The following ZFAND3 variants were observed in gnomAD, a reference collection of about 807,000 sequenced individuals.
The protein encoded by ZFAND3 is AN1-type zinc finger protein 3.
In ZFAND3, 10 loss-of-function variants were observed where a neutral mutation model predicts 29.6. The ratio of observed to expected loss-of-function variants is 0.34; its 90% CI spans 0.21 to 0.57. The LOEUF (loss-of-function observed/expected upper bound fraction) is 0.57. Among genes scored for constraint, ZFAND3 ranks in the 20% least tolerant of loss-of-function variants. The probability of loss-of-function intolerance (pLI) is 0.86; values close to 1 mark genes in which losing one functional copy is unlikely to be tolerated. For missense variants in ZFAND3, 230 were observed against 304.5 expected (o/e 0.76, Z 1.82); for synonymous variants, 128 against 112.6 (o/e 1.14, Z -0.87).
At chr6:37,959,572 A>T (rs1206066310) in intron 2 of ZFAND3, among the ~76,000 whole-genome samples, 1 of 152,186 alleles carries the variant, frequency 6.6e-6, no homozygotes, top group Non-Finnish European at 1.5e-5. Flanking sequence ...TATGTATAGA[A>T]ATGGTAATGA....
chr6:37,951,138 T>C (rs1178168587), intron 2 of ZFAND3, among the ~76,000 whole-genome samples: 1 of 152,228 alleles, frequency 6.6e-6, no homozygotes, highest in Non-Finnish European at 1.5e-5. Flanking sequence ...GTGACTACTA[T>C]AGAAATGGGA....
chr6:37,875,498 A>G (rs1764775583), intron 1 of ZFAND3, among the ~76,000 whole-genome samples: 1 of 152,160 alleles, frequency 6.6e-6, no homozygotes, highest in African/African-American at 2.4e-5. Flanking sequence ...GCTCTACTTA[A>G]AGAGCATCCC....
chr6:38,066,898 A>G (rs2127465459), intron 3 of ZFAND3, among the ~76,000 whole-genome samples: 1 of 152,336 alleles, frequency 6.6e-6, no homozygotes, highest in East Asian at 1.9e-4. Context: ...ATATTTCTGT[A>G]TCTGAACATA....
intron 1 of ZFAND3, among the ~76,000 whole-genome samples, chr6:37,909,174 T>C (rs1276563584): frequency 6.6e-6 from 1 of 152,186 alleles, no homozygotes; most frequent in Non-Finnish European, 1.5e-5. Flanking sequence ...GATTGCACTT[T>C]AGCACTCAGC....
intron 2 of ZFAND3, among the ~76,000 whole-genome samples, chr6:38,024,835 T>C (rs745951861): frequency 1.7e-4 from 26 of 152,094 alleles, no homozygotes; most frequent in Non-Finnish European, 3.7e-4. Context: ...GCTTAATGAG[T>C]ATGGGGATTC....
At chr6:38,103,668 TAACACTGTACG>T (rs1765153020) in intron 4 of ZFAND3, among the ~76,000 whole-genome samples, 1 of 152,114 alleles carries the variant, frequency 6.6e-6, no homozygotes, top group Non-Finnish European at 1.5e-5. Context: ...TATCTAGTCT[TAACACTGTACG>T]AACACTGTAC....
chr6:37,917,952 T>C (rs182411217), intron 1 of ZFAND3, among the ~76,000 whole-genome samples: 1 of 152,234 alleles, frequency 6.6e-6, no homozygotes, highest in African/African-American at 2.4e-5. Context: ...TTTTCTTATA[T>C]GTGCATATTG....
At chr6:37,988,534 C>T (rs1305210096) in intron 2 of ZFAND3, among the ~76,000 whole-genome samples, 1 of 152,190 alleles carries the variant, frequency 6.6e-6, no homozygotes. Flanking sequence ...CATTTTCTCT[C>T]AGTAAAGCTT....
At chr6:38,068,830 G>A (rs994183383) in intron 3 of ZFAND3, among the ~76,000 whole-genome samples, 2 of 152,176 alleles carry the variant, frequency 1.3e-5, no homozygotes, top group African/African-American at 4.8e-5. Flanking sequence ...ATATGACACT[G>A]ATTCCCAAAA....
intron 2 of ZFAND3, among the ~76,000 whole-genome samples, chr6:37,957,838 A>G (rs1343810803): frequency 2.0e-5 from 3 of 152,194 alleles, no homozygotes; most frequent in Non-Finnish European, 4.4e-5. Context: ...CCTGGTAAAT[A>G]TTCCTGGTGG....
chr6:37,898,316 C>T (rs1765257386), intron 1 of ZFAND3, among the ~76,000 whole-genome samples: 1 of 152,152 alleles, frequency 6.6e-6, no homozygotes, highest in Non-Finnish European at 1.5e-5. Flanking sequence ...TGTTAAGCCA[C>T]ATGCAGGTCT....
At chr6:37,827,432 C>G (rs1193248826) in intron 1 of ZFAND3, among the ~76,000 whole-genome samples, 1 of 152,114 alleles carries the variant, frequency 6.6e-6, no homozygotes, top group Non-Finnish European at 1.5e-5. Flanking sequence ...TAGATAGGCT[C>G]TAGTTAGCTT....
rs1023243219 is a variant in ZFAND3 at position 37,819,786 on chromosome 6, C to T, written c.-160C>T. 2 of 337,164 alleles carry T rather than the reference C, an allele frequency of 5.9e-6. No homozygotes were observed. The highest frequency in any genetic ancestry group is 2.2e-5 in the African/African-American group (1 of 45,060). 20.9% of individuals were successfully genotyped at this position (337,164 alleles called of 1,614,324 possible). A position where few individuals can be genotyped will look rare whatever the true frequency, so the allele number is the denominator to read the frequency against. On this transcript the variant is annotated 5_prime_UTR_variant, in exon 1 of 6. Coordinates refer to ENST00000287218, the MANE Select transcript of ZFAND3 (RefSeq NM_021943.3). The stretch of plus-strand genomic sequence containing the variant: ...CCTCCAGCTGACCGGCCTGGAATCC[C>T]GGCTCCGAGCCCCGGACTCGCGCCC...
At chr6:37,889,552 T>C (rs1028883216) in intron 1 of ZFAND3, among the ~76,000 whole-genome samples, 2 of 152,174 alleles carry the variant, frequency 1.3e-5, no homozygotes, top group African/African-American at 4.8e-5. Flanking sequence ...GTCTTAGACA[T>C]TGAATTTAAT....
At chr6:38,124,680 G>A (rs1765599837) in intron 5 of ZFAND3, among the ~76,000 whole-genome samples, 1 of 152,198 alleles carries the variant, frequency 6.6e-6, no homozygotes, top group Admixed American at 6.5e-5. Context: ...GCGCAGCCCA[G>A]GTTCCTGCCC....
chr6:38,024,486 AAG>A (rs1763409228), intron 2 of ZFAND3, among the ~76,000 whole-genome samples: 1 of 151,964 alleles, frequency 6.6e-6, no homozygotes, highest in African/African-American at 2.4e-5. Flanking sequence ...AAAAAAAAAA[AAG>A]TACCTAAACG....
In ZFAND3 at chr6:38,144,498, G is replaced by A. The variant is rs1337164658; in HGVS notation, c.530-7737G>A. ...CTACCTGCCTGGGCCCCATCACTGT[G>A]CTGCGCCCAGCACAGGCTAGGGGGT... On this transcript the variant is annotated intron_variant, in intron 5 of 5. Transcript: ENST00000287218. Among the ~76,000 whole-genome samples, 4 of 152,240 alleles carry A rather than the reference G, an allele frequency of 2.6e-5. No homozygotes were observed. The East Asian group carries it at 7.8e-4, about 30-fold the overall frequency.
In ZFAND3 at chr6:37,820,103, G is replaced by C. The variant is rs1412671117; in HGVS notation, c.71+87G>C. 61 of 1,013,440 alleles carry C rather than the reference G, an allele frequency of 6.0e-5. No individual in the cohort carries two copies. In the Admixed American group the frequency reaches 3.1e-3, roughly 51 times the overall value. 62.8% of individuals were successfully genotyped at this position (1,013,440 alleles called of 1,614,324 possible). ...CTGGGCAGGCCTCGGGGCCCGGGAG[G>C]CCGGAACCTTGGAGGCTGGGCCCAG... is the stretch of plus-strand genomic sequence containing the variant. On this transcript the variant is annotated intron_variant, in intron 1 of 5. Transcript: ENST00000287218.
chr6:37,932,194 A>G (rs1161205790), intron 2 of ZFAND3, among the ~76,000 whole-genome samples: 4 of 151,762 alleles, frequency 2.6e-5, no homozygotes, highest in Non-Finnish European at 5.9e-5. Context: ...GCTTGAACCT[A>G]GGAGGCGGAG....
Sources: gnomAD v4.1 joint callset for allele counts (sites outside exome capture counted in the v4.1 genomes callset) on GRCh38, gnomAD v4.1.1 for gene constraint, MANE v1.5 for transcripts, NCBI Gene and HGNC (gene_info 2026-07-23, HGNC 2026-07-21) for gene names.